NOXRED1: variants seen among roughly 807,000 people sequenced by gnomAD.
NOXRED1 encodes NADP dependent oxidoreductase domain containing 1.
Under a neutral mutation model 30.4 loss-of-function variants are expected in NOXRED1, and 20 were observed. That is an observed-to-expected ratio of 0.66 (90% CI 0.46 to 0.96). The LOEUF (loss-of-function observed/expected upper bound fraction) is 0.96. NOXRED1 is among the 40% of genes least tolerant of loss of function. The probability of loss-of-function intolerance (pLI) is 0.00; values close to 1 mark genes in which losing one functional copy is unlikely to be tolerated. For synonymous variants in NOXRED1, 155 were observed against 168.0 expected (o/e 0.92, Z 0.60); for missense variants, 374 against 428.0 (o/e 0.87, Z 1.11).
intron 1 of NOXRED1, among the ~76,000 whole-genome samples, chr14:77,416,202 T>C (rs1337148332): frequency 6.6e-6 from 1 of 152,198 alleles, no homozygotes; most frequent in Non-Finnish European, 1.5e-5. Context: ...TTTTCTATCT[T>C]CATGAAAAAT....
Position 77,414,142 on chromosome 14 carries a change from C to A in NOXRED1, c.156-15G>T. On this transcript the variant is annotated splice_polypyrimidine_tract_variant and intron_variant, in intron 1 of 5. Transcript: ENST00000380835. ...TTAATGATGCTCTGGAGAATGAACACACAGACACGTACATAAATACATGCA... is the reference window on the plus strand; with the variant it reads ...TTAATGATGCTCTGGAGAATGAACAAACAGACACGTACATAAATACATGCA... The A allele has an allele frequency of 6.6e-7, 1 of 1,513,776 alleles. No individual in the cohort carries two copies. The highest frequency in any genetic ancestry group is 9.1e-7 in the Non-Finnish European group (1 of 1,102,740). 93.8% of individuals were successfully genotyped at this position (1,513,776 alleles called of 1,614,324 possible). A position where few individuals can be genotyped will look rare whatever the true frequency, so the allele number is the denominator to read the frequency against.
intron 4 of NOXRED1, 84 bp downstream of exon 4, chr14:77,406,622 CACACACACACACAGAGAG>C (rs1566708621): frequency 2.2e-5 from 19 of 880,458 alleles, no homozygotes; most frequent in African/African-American, 1.4e-4. Context: ...CACACACACA[CACACACACACACAGAGAG>C]AGAGAGATTG....
intron 2 of NOXRED1, 62 bp from the exon 3 acceptor site, chr14:77,407,707 C>T (rs1894516484): frequency 9.0e-7 from 1 of 1,116,610 alleles, no homozygotes. Context: ...TGAACATCAA[C>T]TATGGGGAGA....
intron 1 of NOXRED1, among the ~76,000 whole-genome samples, chr14:77,417,449 G>A (rs1000562483): frequency 1.1e-4 from 16 of 152,226 alleles, no homozygotes; most frequent in Non-Finnish European, 1.8e-4. Context: ...CCTCATATAT[G>A]TGGATGTTCT....
upstream of NOXRED1, among the ~76,000 whole-genome samples, chr14:77,425,846 T>TGGCATGTGC (rs1895109187): frequency 6.9e-6 from 1 of 145,446 alleles, no homozygotes; most frequent in Non-Finnish European, 1.6e-5. Context: ...CATATTGCCT[T>TGGCATGTGC]AAGGCATGGC....
Position 77,394,716 on chromosome 14 carries a change from T to C in NOXRED1, c.995A>G (p.His332Arg). 6.2e-7 allele frequency: 1 copy of C among 1,613,214 alleles called. No homozygotes were observed. The highest frequency in any genetic ancestry group is 1.7e-4 in the Middle Eastern group (1 of 6,060). The change falls in exon 6 of 6, where the codon CAC becomes CGC. Residue 332 changes from histidine (H) to arginine (R), a missense_variant. Coordinates refer to ENST00000380835, the MANE Select transcript of NOXRED1 (RefSeq NM_001113475.3). ...HLSSSPVLQD[H>R]LTHLYCASFG... ...TGAAGCACAGTATAGATGGGTAAGG[T>C]GGTCTTGGAGAACAGGACTACTTGA...
intron 1 of NOXRED1, among the ~76,000 whole-genome samples, chr14:77,421,696 G>T (rs780342716): frequency 6.6e-6 from 1 of 152,170 alleles, no homozygotes. Context: ...TTTCCTTGGC[G>T]CAAGATTAAC....
chr14:77,406,096 A>G lies in NOXRED1; in HGVS notation c.722T>C (p.Phe241Ser), dbSNP rs1468300976. The G allele has an allele frequency of 1.2e-6, 2 of 1,613,674 alleles. No homozygotes were observed. Among genetic ancestry groups the G allele is most frequent in the African/African-American group, 2.7e-5 (2 of 74,918 alleles). The part of the protein sequence containing the change: ...ILNIKWLEGV[F>S]YAALNICTAR... ...TGTGCATATGTTTAGGGCCGCATAG[A>G]ACACTCCCTCCAACCACTTGATATT... is the stretch of plus-strand genomic sequence containing the variant. Residue 241 changes from phenylalanine (F) to serine (S), a missense_variant, in exon 5 of 6, where the codon TTC (phenylalanine) becomes TCC (serine). Phe to Ser is a radical substitution (Grantham distance 155). Coordinates refer to ENST00000380835, the MANE Select transcript of NOXRED1 (RefSeq NM_001113475.3).
chr14:77,418,734 G>T (rs1894903432), intron 1 of NOXRED1, among the ~76,000 whole-genome samples: 1 of 150,982 alleles, frequency 6.6e-6, no homozygotes, highest in South Asian at 2.1e-4. Context: ...TCCCTATGTT[G>T]CCCAGGCTAG....
intron 2 of NOXRED1, among the ~76,000 whole-genome samples, chr14:77,411,034 T>C (rs544330811): frequency 2.0e-5 from 3 of 152,198 alleles, no homozygotes; most frequent in Admixed American, 6.5e-5. Context: ...TGAACACTTA[T>C]ATACATGTAT....
At position 77,422,799 on chromosome 14, in the gene NOXRED1, G is replaced by A. The variant is rs771696130; in HGVS notation, c.91C>T (p.Arg31Trp). The change falls in exon 1 of 6, where the codon CGG becomes TGG. Residue 31 changes from arginine to tryptophan, a missense_variant. Arg to Trp is a moderately radical substitution (Grantham distance 101). Coordinates refer to ENST00000380835, the MANE Select transcript of NOXRED1 (RefSeq NM_001113475.3). The stretch of plus-strand genomic sequence containing the variant: ...GCACAAGCCTCGATCATCAGTCCCC[G>A]AGAACGGCCCTGCAAATACAGCCAG... ...RIWLYLQGRS[R>W]GLMIEACAHA... is the part of the protein sequence containing the mutation. 11 of 1,614,100 alleles carry A rather than the reference G, an allele frequency of 6.8e-6. No homozygotes were observed. The highest frequency in any genetic ancestry group is 1.6e-4 in the Middle Eastern group (1 of 6,062).
At chr14:77,417,342 C>G (rs1367313156) in intron 1 of NOXRED1, among the ~76,000 whole-genome samples, 1 of 152,138 alleles carries the variant, frequency 6.6e-6, no homozygotes, top group Non-Finnish European at 1.5e-5. Flanking sequence ...CTTCTGTTTC[C>G]TTACTAACCT....
At position 77,413,974 on chromosome 14, in the gene NOXRED1, A is replaced by C; in HGVS notation, c.309T>G (p.Ala103=). ...GTLLQLGPIP[A]ESLRISTRRP... ...TCCGAGTGGAGATCCGCAGGCTTTCAGCAGGGATGGGGCCAAGCTGCAGCA... is the reference window on the plus strand; with the variant it reads ...TCCGAGTGGAGATCCGCAGGCTTTCCGCAGGGATGGGGCCAAGCTGCAGCA... The change falls in exon 2 of 6, where the codon GCT becomes GCG. Residue 103 remains alanine, a synonymous_variant. Coordinates refer to ENST00000380835, the MANE Select transcript of NOXRED1 (RefSeq NM_001113475.3). 6.2e-7 allele frequency: 1 copy of C among 1,604,238 alleles called. No individual in the cohort carries two copies. Among genetic ancestry groups the C allele is most frequent in the East Asian group, 2.2e-5 (1 of 44,540 alleles).
At chr14:77,414,473 C>T (rs1894760690) in intron 1 of NOXRED1, among the ~76,000 whole-genome samples, 1 of 152,140 alleles carries the variant, frequency 6.6e-6, no homozygotes, top group Admixed American at 6.5e-5. Context: ...GCCACCGCAC[C>T]CGGCCTAGTT....
chr14:77,415,061 A>G (rs1490061009), intron 1 of NOXRED1, among the ~76,000 whole-genome samples: 1 of 152,104 alleles, frequency 6.6e-6, no homozygotes, highest in Non-Finnish European at 1.5e-5. Flanking sequence ...CTGTAGTCCC[A>G]GCTACCCAGG....
Position 77,414,116 on chromosome 14 carries a change from T to C in NOXRED1, c.167A>G (p.Asn56Ser). The C allele has an allele frequency of 6.3e-7, 1 of 1,593,146 alleles. No individual in the cohort carries two copies. The highest frequency in any genetic ancestry group is 8.6e-7 in the Non-Finnish European group (1 of 1,163,766). Reference sequence around the variant, plus strand: ...GAGATGTCTGGAACTTTGATTCTTATTTAATGATGCTCTGGAGAATGAACA... The same window carrying C: ...GAGATGTCTGGAACTTTGATTCTTACTTAATGATGCTCTGGAGAATGAACA... The part of the protein sequence containing the change: ...KLLYNLRASL[N>S]KNQSSRHLSI... Residue 56 changes from asparagine to serine, a missense_variant, in exon 2 of 6, where the codon AAT becomes AGT. Asn to Ser is a conservative substitution (Grantham distance 46). Coordinates refer to ENST00000380835, the MANE Select transcript of NOXRED1 (RefSeq NM_001113475.3).
At chr14:77,412,017 C>T (rs1364580909) in intron 2 of NOXRED1, among the ~76,000 whole-genome samples, 8 of 150,788 alleles carry the variant, frequency 5.3e-5, no homozygotes. Context: ...ATCGCTTGAA[C>T]CCGGGAGGCA....
chr14:77,410,976 T>C (rs140623884), intron 2 of NOXRED1, among the ~76,000 whole-genome samples: 199 of 152,250 alleles, frequency 1.3e-3, no homozygotes, highest in African/African-American at 4.7e-3. Context: ...GACCCAGCCA[T>C]TTCACTGCCA....
Position 77,394,494 on chromosome 14 carries a change from G to C in NOXRED1, c.*137C>G. 1 of 601,034 alleles carries C rather than the reference G, an allele frequency of 1.7e-6. No homozygotes were observed. 37.2% of individuals were successfully genotyped at this position (601,034 alleles called of 1,614,324 possible). A position where few individuals can be genotyped will look rare whatever the true frequency, so the allele number is the denominator to read the frequency against. On this transcript the variant is annotated 3_prime_UTR_variant, in exon 6 of 6. Coordinates refer to ENST00000380835, the MANE Select transcript of NOXRED1 (RefSeq NM_001113475.3). Reference sequence around the variant, plus strand: ...TACATTTTAAAGAGTCATCAGTACAGTTTTATAATTCCTGATGTCTATCAT... The same window carrying C: ...TACATTTTAAAGAGTCATCAGTACACTTTTATAATTCCTGATGTCTATCAT...
Sources: allele counts gnomAD v4.1 joint callset (sites outside exome capture counted in the v4.1 genomes callset), GRCh38; gene constraint gnomAD v4.1.1; transcripts MANE v1.5; gene names NCBI Gene and HGNC (gene_info 2026-07-23, HGNC 2026-07-21).